The following NDST3 variants were observed in gnomAD, a reference collection of about 807,000 sequenced individuals.
NDST3 encodes bifunctional heparan sulfate N-deacetylase/N-sulfotransferase 3.
A neutral mutation model predicts 96.1 loss-of-function variants in NDST3; 58 were observed. The ratio of observed to expected loss-of-function variants is 0.60; its 90% CI spans 0.49 to 0.75. The LOEUF is 0.75. Ranked by LOEUF, NDST3 falls within the 30% of genes least tolerant of loss-of-function variation. The pLI is 0.00. For missense variants in NDST3, 788 were observed against 1,034.2 expected (o/e 0.76, Z 3.27); for synonymous variants, 333 against 359.7 (o/e 0.93, Z 0.84).
chr4:118,078,040 G>C (rs1383006722), intron 2 of NDST3, among the ~76,000 whole-genome samples: 1 of 152,166 alleles, frequency 6.6e-6, no homozygotes, highest in African/African-American at 2.4e-5. Flanking sequence ...TAGAAGTGTG[G>C]GGGATGGAGC....
chr4:118,043,659 C>T (rs1225135078), intron 1 of NDST3, among the ~76,000 whole-genome samples: 1 of 152,150 alleles, frequency 6.6e-6, no homozygotes, highest in Non-Finnish European at 1.5e-5. Flanking sequence ...TACGGTGCCA[C>T]CTTCCACAGG....
intron 6 of NDST3, among the ~76,000 whole-genome samples, chr4:118,197,765 T>A (rs1284196165): frequency 1.3e-5 from 2 of 151,326 alleles, no homozygotes; most frequent in African/African-American, 4.9e-5. Context: ...TTTTTTGGTG[T>A]GTTTTGTTTT....
chr4:118,192,875 G>A (rs1326303462), intron 6 of NDST3, among the ~76,000 whole-genome samples: 2 of 152,122 alleles, frequency 1.3e-5, no homozygotes, highest in African/African-American at 4.8e-5. Context: ...CGGGGGACAG[G>A]GGGTGGTCAC....
intron 6 of NDST3, among the ~76,000 whole-genome samples, chr4:118,172,329 G>T (rs994631814): frequency 6.6e-6 from 1 of 152,094 alleles, no homozygotes; most frequent in African/African-American, 2.4e-5. Flanking sequence ...TCCACTTCTA[G>T]GGATGTCTCC....
chr4:118,211,430 A>ATATAAAAT (rs144102171), intron 6 of NDST3, among the ~76,000 whole-genome samples: 25,616 of 152,014 alleles, frequency 0.17, 2,268 homozygotes, highest in South Asian at 0.23. Flanking sequence ...ATACATAGAA[A>ATATAAAAT]TATAAAATTT....
intron 6 of NDST3, chr4:118,193,963 C>A: frequency 1.0e-6 from 1 of 970,418 alleles, no homozygotes; most frequent in Non-Finnish European, 1.7e-6. Context: ...CCCACTCTTT[C>A]ACTGTGGTGC....
chr4:118,174,436 T>C (rs185454592), intron 6 of NDST3, among the ~76,000 whole-genome samples: 234 of 152,304 alleles, frequency 1.5e-3, no homozygotes, highest in African/African-American at 5.2e-3. Context: ...ATGAACTATA[T>C]GGAAGTAACA....
At chr4:118,081,309 G>A (rs1324684225) in intron 2 of NDST3, among the ~76,000 whole-genome samples, 1 of 151,998 alleles carries the variant, frequency 6.6e-6, no homozygotes, top group Admixed American at 6.6e-5. Flanking sequence ...TTTTATGCAA[G>A]GTTTTTGCAC....
chr4:118,086,016 T>A (rs1460290437), intron 2 of NDST3, among the ~76,000 whole-genome samples: 1 of 152,180 alleles, frequency 6.6e-6, no homozygotes, highest in East Asian at 1.9e-4. Flanking sequence ...TCCATATGAC[T>A]ACCATTGTGA....
chr4:118,191,501 T>C (rs1424053317), intron 6 of NDST3, among the ~76,000 whole-genome samples: 2 of 152,154 alleles, frequency 1.3e-5, no homozygotes, highest in Non-Finnish European at 2.9e-5. Context: ...CATTAAGGAA[T>C]AGAGCAAAGA....
At chr4:118,210,999 T>G (rs1423216850) in intron 6 of NDST3, among the ~76,000 whole-genome samples, 2 of 152,090 alleles carry the variant, frequency 1.3e-5, no homozygotes, top group African/African-American at 4.8e-5. Flanking sequence ...TACTAAGGGA[T>G]CAGAAACCTC....
intron 1 of NDST3, among the ~76,000 whole-genome samples, chr4:118,041,505 A>G (rs1724463907): frequency 6.6e-6 from 1 of 152,134 alleles, no homozygotes; most frequent in Non-Finnish European, 1.5e-5. Flanking sequence ...TGATCTGTTG[A>G]TTTTCAAAAT....
intron 2 of NDST3, among the ~76,000 whole-genome samples, chr4:118,056,342 C>T (rs953145160): frequency 6.6e-6 from 1 of 151,798 alleles, no homozygotes; most frequent in African/African-American, 2.4e-5. Flanking sequence ...ATTTGTGCTC[C>T]AGAAGTTAAG....
chr4:118,111,116 G>A (rs900040700), intron 3 of NDST3, among the ~76,000 whole-genome samples: 23 of 152,172 alleles, frequency 1.5e-4, no homozygotes, highest in African/African-American at 4.1e-4. Flanking sequence ...ACTAAACATC[G>A]AGTACTCATA....
chr4:118,249,591 A>G (rs931402705), intron 12 of NDST3, among the ~76,000 whole-genome samples: 1 of 152,212 alleles, frequency 6.6e-6, no homozygotes, highest in African/African-American at 2.4e-5. Flanking sequence ...GATGAGAAAC[A>G]GGCTTTACGT....
intron 7 of NDST3, among the ~76,000 whole-genome samples, chr4:118,226,307 A>G (rs1436157974): frequency 6.6e-6 from 1 of 152,190 alleles, no homozygotes; most frequent in Non-Finnish European, 1.5e-5. Context: ...ATTCACCCTC[A>G]TTATTCCCTT....
chr4:118,255,518 A>G (rs1742061783), intron 13 of NDST3, 75 bp from the exon 14 acceptor site: 2 of 1,434,876 alleles, frequency 1.4e-6, no homozygotes, highest in African/African-American at 2.8e-5. Flanking sequence ...CTTGGTACTT[A>G]TTTCAACGTA....
chr4:118,239,365 A>G (rs1740872583), intron 10 of NDST3, among the ~76,000 whole-genome samples: 1 of 152,158 alleles, frequency 6.6e-6, no homozygotes, highest in African/African-American at 2.4e-5. Flanking sequence ...AGGGATTTTG[A>G]TAATAATCTG....
At chr4:118,215,057 C>T (rs566651847) in intron 6 of NDST3, among the ~76,000 whole-genome samples, 179 of 152,110 alleles carry the variant, frequency 1.2e-3, no homozygotes, top group African/African-American at 4.0e-3. Flanking sequence ...CTCAATTTAG[C>T]CATGTTTAAA....
Sources: gnomAD v4.1 joint callset for allele counts (sites outside exome capture counted in the v4.1 genomes callset) on GRCh38, gnomAD v4.1.1 for gene constraint, MANE v1.5 for transcripts, NCBI Gene and HGNC (gene_info 2026-07-23, HGNC 2026-07-21) for gene names.